Variants in HEPHL1 observed in about 807,000 individuals in gnomAD.
HEPHL1 encodes ferroxidase HEPHL1.
A neutral mutation model predicts 122.0 loss-of-function variants in HEPHL1; 123 were observed. The ratio of observed to expected loss-of-function variants is 1.01; its 90% CI spans 0.87 to 1.17. HEPHL1 has a LOEUF of 1.17. HEPHL1 is among the 50% of genes most tolerant of loss of function. The pLI, the probability that HEPHL1 is intolerant of heterozygous loss-of-function variation, is 0.00. For synonymous variants in HEPHL1, 527 were observed against 508.9 expected (o/e 1.04, Z -0.48); for missense variants, 1,452 against 1,430.5 (o/e 1.01, Z -0.24).
At chr11:94,071,785 G>A (rs952405186) in intron 6 of HEPHL1, among the ~76,000 whole-genome samples, 2 of 152,066 alleles carry the variant, frequency 1.3e-5, no homozygotes, top group African/African-American at 4.8e-5. Context: ...ACATTATAGA[G>A]GAAGTGAGAC....
chr11:94,049,524 T>A (rs1395037703), intron 2 of HEPHL1, among the ~76,000 whole-genome samples: 1 of 151,320 alleles, frequency 6.6e-6, no homozygotes, highest in Non-Finnish European at 1.5e-5. Flanking sequence ...AAACCTTTCA[T>A]TGAGCACCCA....
intron 9 of HEPHL1, among the ~76,000 whole-genome samples, chr11:94,081,766 A>G (rs1460146614): frequency 1.3e-5 from 2 of 152,206 alleles, no homozygotes; most frequent in Non-Finnish European, 2.9e-5. Flanking sequence ...CTCACATTGC[A>G]GTAGGAAAAA....
At chr11:94,084,389 G>A (rs1946199654) in intron 10 of HEPHL1, among the ~76,000 whole-genome samples, 1 of 150,188 alleles carries the variant, frequency 6.7e-6, no homozygotes, top group South Asian at 2.1e-4. Context: ...TATAAATACA[G>A]GATATATCAT....
In HEPHL1 at chr11:94,086,091, T is replaced by C; in HGVS notation, c.1982T>C (p.Phe661Ser). The change falls in exon 11 of 20, where the codon TTT (phenylalanine) becomes TCT (serine). Residue 661 changes from phenylalanine to serine, a missense_variant. Physicochemically the swap from Phe to Ser is radical, Grantham distance 155. Coordinates refer to ENST00000315765, the MANE Select transcript of HEPHL1 (RefSeq NM_001098672.2). ...GACACTGACATGCATGGAATTGTTT[T>C]TCAAGGGAACACCATCCACCTACGA... ...GTDTDMHGIV[F>S]QGNTIHLRGT... The C allele has an allele frequency of 6.2e-7, 1 of 1,613,888 alleles. No individual in the cohort carries two copies. The highest frequency in any genetic ancestry group is 8.5e-7 in the Non-Finnish European group (1 of 1,179,864).
At chr11:94,026,569 C>G (rs1212491245) in intron 1 of HEPHL1, among the ~76,000 whole-genome samples, 1 of 152,206 alleles carries the variant, frequency 6.6e-6, no homozygotes, top group Non-Finnish European at 1.5e-5. Context: ...TTAGCAGGAT[C>G]TGAAAGATAA....
chr11:94,094,153 C>G (rs1160385128), intron 13 of HEPHL1, among the ~76,000 whole-genome samples: 7 of 151,604 alleles, frequency 4.6e-5, no homozygotes, highest in African/African-American at 1.7e-4. Context: ...CACCCCTGCC[C>G]CTACCCCACG....
At chr11:94,047,284 T>C (rs1428932549) in intron 2 of HEPHL1, among the ~76,000 whole-genome samples, 1 of 152,180 alleles carries the variant, frequency 6.6e-6, no homozygotes, top group Non-Finnish European at 1.5e-5. Flanking sequence ...GGGGATTTGT[T>C]GTAAAGATTA....
intron 1 of HEPHL1, among the ~76,000 whole-genome samples, chr11:94,037,597 C>G (rs557070134): frequency 6.6e-6 from 1 of 152,192 alleles, no homozygotes; most frequent in African/African-American, 2.4e-5. Flanking sequence ...AGGCACCCCC[C>G]CAACAGGGGC....
chr11:94,063,848 G>A, intron 3 of HEPHL1, 128 bp downstream of exon 3: 1 of 748,646 alleles, frequency 1.3e-6, no homozygotes, highest in South Asian at 1.7e-5. Flanking sequence ...TTCTGACATG[G>A]AAGATCAATC....
At chr11:94,101,122 A>G in intron 13 of HEPHL1, 73 bp from the exon 14 acceptor site, 1 of 1,510,812 alleles carries the variant, frequency 6.6e-7, no homozygotes, top group South Asian at 1.2e-5. Flanking sequence ...TTGACTAACT[A>G]CTGCCTATAT....
chr11:94,111,030 G>A lies in HEPHL1; in HGVS notation c.3173G>A (p.Gly1058Asp). 2 of 1,606,318 alleles carry A rather than the reference G, an allele frequency of 1.2e-6. No individual in the cohort carries two copies. Among genetic ancestry groups the A allele is most frequent in the Non-Finnish European group, 1.7e-6 (2 of 1,175,874 alleles). The change falls in exon 18 of 20, where the codon GGC (glycine) becomes GAC (aspartate). Residue 1058 changes from glycine to aspartate, a missense_variant. By Grantham distance (94) the Gly-to-Asp change is moderately conservative. Transcript: ENST00000315765. ...HCHVSDHIHA[G>D]METTYTVLRN... ...CATGTGTCTGACCACATCCATGCTG[G>A]CATGGAGACAACCTACACGGTCCTT...
intron 1 of HEPHL1, among the ~76,000 whole-genome samples, chr11:94,036,807 C>A (rs1945728910): frequency 6.8e-6 from 1 of 146,004 alleles, no homozygotes; most frequent in Non-Finnish European, 1.5e-5. Context: ...CCATTGCACT[C>A]CAGCCTGGGC....
At position 94,111,714 on chromosome 11, in the gene HEPHL1, C is replaced by G. The variant is rs368142093; in HGVS notation, c.3300C>G (p.Leu1100=). ...CAGAACGACCTGGCAAAGAGCAGCT[C>G]TATTTCTTTGGCAAGAATCTGGGTC... ...PSNERPGKEQ[L]YFFGKNLGPT... Residue 1100 remains leucine (L), a synonymous_variant, in exon 20 of 20, where the codon CTC becomes CTG. Transcript: ENST00000315765. 2.1e-5 allele frequency: 33 copies of G among 1,609,172 alleles called. No homozygotes were observed. In the African/African-American group the frequency reaches 3.7e-4, roughly 18 times the overall value.
At chr11:94,042,882 A>AAAAAAAAAAAACAAAC (rs1555058755) in intron 1 of HEPHL1, among the ~76,000 whole-genome samples, 74 of 136,890 alleles carry the variant, frequency 5.4e-4, no homozygotes, top group African/African-American at 1.9e-3. Context: ...TAATAAAAAA[A>AAAAAAAAAAAACAAAC]AAAAAAAAAA....
rs1946445009 is a variant in HEPHL1 at position 94,111,051 on chromosome 11, T to G, written c.3194T>G (p.Val1065Gly). The G allele has an allele frequency of 1.9e-6, 3 of 1,594,498 alleles. No homozygotes were observed. Among genetic ancestry groups the G allele is most frequent in the Non-Finnish European group, 2.6e-6 (3 of 1,169,088 alleles). Residue 1065 changes from valine to glycine, a missense_variant, in exon 18 of 20, where the codon GTC (valine) becomes GGC (glycine). Physicochemically the swap from Val to Gly is moderately radical, Grantham distance 109. Coordinates refer to ENST00000315765, the MANE Select transcript of HEPHL1 (RefSeq NM_001098672.2). ...IHAGMETTYT[V>G]LRNIDNRIPY... ...GCTGGCATGGAGACAACCTACACGGTCCTTCGTAACATAGGTACGGTTGTC... is the reference window on the plus strand; with the variant it reads ...GCTGGCATGGAGACAACCTACACGGGCCTTCGTAACATAGGTACGGTTGTC...
At chr11:94,097,245 C>G (rs868526558) in intron 13 of HEPHL1, among the ~76,000 whole-genome samples, 4 of 151,984 alleles carry the variant, frequency 2.6e-5, no homozygotes, top group Admixed American at 1.3e-4. Flanking sequence ...TTTCAAAGAA[C>G]ATCGATTTCT....
chr11:94,050,600 A>G (rs1164465638), intron 2 of HEPHL1, among the ~76,000 whole-genome samples: 1 of 152,154 alleles, frequency 6.6e-6, no homozygotes, highest in Admixed American at 6.5e-5. Context: ...CATGCAATGC[A>G]TAATAATAAC....
chr11:94,094,237 G>C (rs2134446913), intron 13 of HEPHL1, among the ~76,000 whole-genome samples: 1 of 151,794 alleles, frequency 6.6e-6, no homozygotes, highest in Admixed American at 6.6e-5. Flanking sequence ...CTATGAGTGA[G>C]AACATGTGGT....
At chr11:94,035,566 C>G (rs1382930600) in intron 1 of HEPHL1, among the ~76,000 whole-genome samples, 1 of 152,102 alleles carries the variant, frequency 6.6e-6, no homozygotes, top group Non-Finnish European at 1.5e-5. Context: ...CACATGTATA[C>G]ATGTGCCATG....
Sources: gnomAD v4.1 joint callset for allele counts (sites outside exome capture counted in the v4.1 genomes callset) on GRCh38, gnomAD v4.1.1 for gene constraint, MANE v1.5 for transcripts, NCBI Gene and HGNC (gene_info 2026-07-23, HGNC 2026-07-21) for gene names.